ZNF577: variants seen among roughly 807,000 people sequenced by gnomAD.
The protein encoded by ZNF577 is zinc finger protein 577.
Under a neutral mutation model 13.9 loss-of-function variants are expected in ZNF577, and 14 were observed. The observed-to-expected ratio is 1.00, with a 90% confidence interval of 0.66 to 1.57. The LOEUF (loss-of-function observed/expected upper bound fraction) is 1.57. Ranked by LOEUF, ZNF577 falls within the 40% of genes most tolerant of loss-of-function variation. The pLI is 0.00. For synonymous variants in ZNF577, 203 were observed against 202.9 expected, an observed-to-expected ratio of 1.00 and a Z score of 0.00; for missense variants, 555 against 579.2, an observed-to-expected ratio of 0.96 and a Z score of 0.43.
chr19:51,878,878 A>G (rs938702106), intron 3 of ZNF577: 3 of 166,164 alleles, frequency 1.8e-5, no homozygotes, highest in African/African-American at 7.1e-5. Context: ...ACATACCCAC[A>G]TGATTATCAA....
chr19:51,862,165 C>A (rs1439164338), downstream of ZNF577: 3 of 152,402 alleles, frequency 2.0e-5, no homozygotes, highest in African/African-American at 7.2e-5. Flanking sequence ...TATATGAGTT[C>A]TCTGATATAC....
chr19:51,867,003 A>T (rs1357013376), downstream of ZNF577, among the ~76,000 whole-genome samples: 1 of 152,106 alleles, frequency 6.6e-6, no homozygotes, highest in Non-Finnish European at 1.5e-5. Context: ...AAAAGGAAGA[A>T]GGAAAGAAAG....
chr19:51,816,771 T>C (rs908799414), intron 9 of ZNF577, among the ~76,000 whole-genome samples: 5 of 152,144 alleles, frequency 3.3e-5, no homozygotes, highest in Non-Finnish European at 7.3e-5. Flanking sequence ...TCTGATGCTA[T>C]CTCCAGTTAG....
rs1234427649 is a variant in ZNF577, at chr19:51,869,607, TTGTCTC to T, written c.*2919_*2924del. On this transcript the variant is annotated 3_prime_UTR_variant, in exon 6 of 6. Coordinates refer to ENST00000638348, the MANE Select transcript of ZNF577 (RefSeq NM_001370449.1). ...CTGGGGCCACTGTTCTTTCTCTACT[TTGTCTC>T]TGTGTCTTATTTCTTATTTCTTTTC... Among the ~76,000 whole-genome samples the T allele has an allele frequency of 6.6e-6, 1 of 151,122 alleles. No homozygotes were observed.
chr19:51,833,209 C>T (rs2084269214), intron 9 of ZNF577, among the ~76,000 whole-genome samples: 2 of 142,628 alleles, frequency 1.4e-5, no homozygotes, highest in African/African-American at 5.2e-5. Context: ...CCGGGCTCTA[C>T]CTGTGTTTCC....
chr19:51,852,095 T>A (rs1482270088), intron 5 of ZNF577, among the ~76,000 whole-genome samples: 2 of 152,230 alleles, frequency 1.3e-5, no homozygotes, highest in Non-Finnish European at 2.9e-5. Context: ...GGCCTGGCTG[T>A]CCTGCCTCTA....
chr19:51,872,764 G>A lies in ZNF577; in HGVS notation c.1226C>T (p.Thr409Ile). Residue 409 changes from threonine (T) to isoleucine (I), a missense_variant, in exon 6 of 6, where the codon ACT (threonine) becomes ATT (isoleucine). Transcript: ENST00000638348. ...CATTTCTATAGGTACTGTGTTCACA[G>A]TCTTTTGCTCTTGTATGAGTTCGCT... is the stretch of plus-strand genomic sequence containing the variant. Reference protein sequence around the residue: ...YMSELIQEQKTVNTVPIEMPS... With the variant: ...YMSELIQEQKIVNTVPIEMPS... 5.0e-6 allele frequency: 8 copies of A among 1,614,214 alleles called. No homozygotes were observed. Among genetic ancestry groups the A allele is most frequent in the Non-Finnish European group, 6.8e-6 (8 of 1,180,042 alleles).
intron 7 of ZNF577, chr19:51,843,048 C>T (rs1404650363): frequency 6.6e-6 from 1 of 152,118 alleles, no homozygotes; most frequent in Non-Finnish European, 1.5e-5. Flanking sequence ...CATATGGTCA[C>T]TGTACGATTA....
chr19:51,840,206 GAAC>G (rs1257998489), intron 8 of ZNF577: 3 of 152,186 alleles, frequency 2.0e-5, no homozygotes, highest in African/African-American at 7.2e-5. Context: ...GCATTCTCAG[GAAC>G]AACATTCAGC....
chr19:51,871,448 ATACAAATT>A lies in ZNF577; in HGVS notation c.*1076_*1083del, dbSNP rs2122651597. On this transcript the variant is annotated 3_prime_UTR_variant, in exon 6 of 6. Transcript: ENST00000638348. ...GTTAATTTATATAATTTCAGAATAG[ATACAAATT>A]TACGTTTAGCAACATTTCAAGCACC... 1 of 152,142 alleles carries A rather than the reference ATACAAATT, an allele frequency of 6.6e-6. No individual in the cohort carries two copies. Among genetic ancestry groups the A allele is most frequent in the East Asian group, 1.9e-4 (1 of 5,180 alleles). 9.4% of individuals were successfully genotyped at this position (152,142 alleles called of 1,614,324 possible). A position where few individuals can be genotyped will look rare whatever the true frequency, so the allele number is the denominator to read the frequency against.
chr19:51,844,036 C>A (rs2084335603), intron 6 of ZNF577, among the ~76,000 whole-genome samples: 1 of 146,220 alleles, frequency 6.8e-6, no homozygotes, highest in Non-Finnish European at 1.5e-5. Context: ...TTAAGATACT[C>A]GATAGCCACT....
intron 9 of ZNF577, among the ~76,000 whole-genome samples, chr19:51,830,031 C>T (rs1304446067): frequency 6.6e-6 from 1 of 151,620 alleles, no homozygotes; most frequent in Non-Finnish European, 1.5e-5. Context: ...CTGTTATCTT[C>T]TAGGAGTTTT....
intron 9 of ZNF577, among the ~76,000 whole-genome samples, chr19:51,836,134 C>T (rs2084286231): frequency 6.6e-6 from 1 of 152,114 alleles, no homozygotes. Flanking sequence ...TTCTTGAAAA[C>T]AATAATAAAA....
At chr19:51,833,284 TA>T (rs2084269966) in intron 9 of ZNF577, among the ~76,000 whole-genome samples, 1 of 50,858 alleles carries the variant, frequency 2.0e-5, no homozygotes, top group African/African-American at 7.8e-5. Context: ...GGAATCATCT[TA>T]TTTGTTTCCC....
chr19:51,836,065 T>C (rs1001842629), intron 9 of ZNF577, among the ~76,000 whole-genome samples: 1 of 152,208 alleles, frequency 6.6e-6, no homozygotes, highest in African/African-American at 2.4e-5. Flanking sequence ...CATTAGTGGT[T>C]TTAAAAAGTT....
Position 51,878,780 on chromosome 19 carries a change from T to C in ZNF577, c.61-265A>G, listed in dbSNP as rs1003805154. ...ATGAAAAACTTACCAATAATCTAAA[T>C]GTCTATCAAAAGCAGACAGGGTTAA... is the stretch of plus-strand genomic sequence containing the variant. On this transcript the variant is annotated intron_variant, in intron 3 of 5. Transcript: ENST00000638348. The C allele has an allele frequency of 1.4e-4, 45 of 322,304 alleles. 1 individual carries two copies. The highest frequency in any genetic ancestry group is 8.0e-4 in the African/African-American group (39 of 48,524). 20.0% of individuals were successfully genotyped at this position (322,304 alleles called of 1,614,324 possible). A position where few individuals can be genotyped will look rare whatever the true frequency, so the allele number is the denominator to read the frequency against.
chr19:51,831,482 A>G (rs1023175919), intron 9 of ZNF577, among the ~76,000 whole-genome samples: 6 of 151,566 alleles, frequency 4.0e-5, no homozygotes, highest in Non-Finnish European at 8.8e-5. Context: ...CGTGGACCAA[A>G]TCTGTGTGTT....
At chr19:51,827,414 G>A (rs1231522784) in intron 9 of ZNF577, among the ~76,000 whole-genome samples, 2 of 152,182 alleles carry the variant, frequency 1.3e-5, no homozygotes, top group African/African-American at 4.8e-5. Context: ...TTCAAGTAAT[G>A]AGAATGTAAG....
intron 9 of ZNF577, among the ~76,000 whole-genome samples, chr19:51,839,470 A>G (rs929200063): frequency 9.2e-5 from 14 of 152,282 alleles, no homozygotes; most frequent in African/African-American, 3.1e-4. Context: ...TTTATGACAC[A>G]ATTTTAATAA....
Sources: allele counts gnomAD v4.1 joint callset (sites outside exome capture counted in the v4.1 genomes callset), GRCh38; gene constraint gnomAD v4.1.1; transcripts MANE v1.5; gene names NCBI Gene and HGNC (gene_info 2026-07-23, HGNC 2026-07-21).